The following CNTNAP2 variants were observed in gnomAD, a reference collection of about 807,000 sequenced individuals.
The protein encoded by CNTNAP2 is contactin-associated protein-like 2.
In CNTNAP2, 98 loss-of-function variants were observed where a neutral mutation model predicts 155.2. That is an observed-to-expected ratio of 0.63 (90% CI 0.54 to 0.75). The LOEUF (loss-of-function observed/expected upper bound fraction) is 0.75, where lower values mean the gene tolerates loss of function less well. Ranked by LOEUF, CNTNAP2 falls within the 30% of genes least tolerant of loss-of-function variation. The pLI, the probability that CNTNAP2 is intolerant of heterozygous loss-of-function variation, is 0.00. For synonymous variants in CNTNAP2, 651 were observed against 631.2 expected (o/e 1.03, Z -0.47); for missense variants, 1,727 against 1,688.1 (o/e 1.02, Z -0.40).
At chr7:147,874,564 G>T (rs1008475548) in intron 13 of CNTNAP2, among the ~76,000 whole-genome samples, 1 of 152,286 alleles carries the variant, frequency 6.6e-6, no homozygotes, top group Non-Finnish European at 1.5e-5. Context: ...CCCAGCCCAT[G>T]AAACCATTTT....
chr7:148,253,415 T>C (rs893359189), intron 20 of CNTNAP2, among the ~76,000 whole-genome samples: 4 of 152,258 alleles, frequency 2.6e-5, no homozygotes, highest in Admixed American at 2.0e-4. Context: ...GGTAACATTT[T>C]ACATTTAATT....
chr7:148,084,451 T>G (rs1035285166), intron 15 of CNTNAP2, among the ~76,000 whole-genome samples: 1 of 152,232 alleles, frequency 6.6e-6, no homozygotes, highest in Non-Finnish European at 1.5e-5. Flanking sequence ...ATTTTTCTCT[T>G]CTTTTATCTT....
intron 1 of CNTNAP2, among the ~76,000 whole-genome samples, chr7:146,646,016 G>A (rs543625015): frequency 1.7e-4 from 26 of 152,190 alleles, no homozygotes; most frequent in African/African-American, 3.9e-4. Context: ...TACAGGTGAC[G>A]AATTACTATG....
In CNTNAP2 at chr7:146,997,880, G is replaced by A. The variant is rs113550499; in HGVS notation, c.403-46027G>A. On this transcript the variant is annotated intron_variant, in intron 3 of 23. Transcript: ENST00000361727. ...TCTTATACTATTTTGTATACCTATG[G>A]CATTGGTTGTAATGTCTGCTTACTT... Among the ~76,000 whole-genome samples the A allele has an allele frequency of 7.2e-3, 1,094 of 151,984 alleles. 15 individuals carry two copies. The highest frequency in any genetic ancestry group is 0.025 in the African/African-American group (1,021 of 41,466).
At chr7:147,209,080 T>G (rs1803082197) in intron 8 of CNTNAP2, among the ~76,000 whole-genome samples, 1 of 152,054 alleles carries the variant, frequency 6.6e-6, no homozygotes, top group South Asian at 2.1e-4. Flanking sequence ...GGGTCCTTTA[T>G]GGTTCCCTAT....
At chr7:147,744,747 C>G (rs528836275) in intron 13 of CNTNAP2, among the ~76,000 whole-genome samples, 2 of 152,148 alleles carry the variant, frequency 1.3e-5, no homozygotes, top group African/African-American at 4.8e-5. Context: ...ATGGCCTTTC[C>G]TCTGTGCACA....
In CNTNAP2 at chr7:148,206,010, G is replaced by A. The variant is rs529045573; in HGVS notation, c.3011-11278G>A. Reference sequence around the variant, plus strand: ...TTCTACATGAAAAAAATATATATATGCATATAGGCATATACACACACATGT... The same window carrying A: ...TTCTACATGAAAAAAATATATATATACATATAGGCATATACACACACATGT... On this transcript the variant is annotated intron_variant, in intron 18 of 23. Transcript: ENST00000361727. Among the ~76,000 whole-genome samples, 4 of 151,548 alleles carry A rather than the reference G, an allele frequency of 2.6e-5. No individual in the cohort carries two copies. In the East Asian group the frequency reaches 7.7e-4, roughly 29 times the overall value.
At chr7:146,344,759 G>A (rs1198445158) in intron 1 of CNTNAP2, among the ~76,000 whole-genome samples, 2 of 152,208 alleles carry the variant, frequency 1.3e-5, no homozygotes, top group Non-Finnish European at 2.9e-5. Flanking sequence ...TTGCTGGCAT[G>A]AGCCACTGCT....
At chr7:148,251,393 C>T (rs1347152945) in intron 20 of CNTNAP2, among the ~76,000 whole-genome samples, 1 of 152,318 alleles carries the variant, frequency 6.6e-6, no homozygotes, top group East Asian at 1.9e-4. Flanking sequence ...ACACACTACC[C>T]TCCCTGCACA....
intron 1 of CNTNAP2, among the ~76,000 whole-genome samples, chr7:146,225,234 T>C (rs1799274825): frequency 6.6e-6 from 1 of 152,170 alleles, no homozygotes; most frequent in Admixed American, 6.5e-5. Flanking sequence ...GAGTAGTAGT[T>C]TTTGAAAGTG....
chr7:146,411,842 A>ATTTT (rs1168976551), intron 1 of CNTNAP2, among the ~76,000 whole-genome samples: 176 of 121,932 alleles, frequency 1.4e-3, no homozygotes, highest in African/African-American at 6.1e-3. Flanking sequence ...TTATTTATTT[A>ATTTT]TTTATTTTAT....
chr7:146,882,580 T>A (rs1177297039), intron 3 of CNTNAP2, among the ~76,000 whole-genome samples: 1 of 152,080 alleles, frequency 6.6e-6, no homozygotes, highest in African/African-American at 2.4e-5. Flanking sequence ...CTGCCATGAT[T>A]GTGAGTTTCC....
chr7:148,004,739 A>G (rs955930393), intron 15 of CNTNAP2, among the ~76,000 whole-genome samples: 7 of 152,322 alleles, frequency 4.6e-5, no homozygotes, highest in African/African-American at 1.7e-4. Context: ...GAAATGTTTT[A>G]TGTTCTAACC....
intron 1 of CNTNAP2, among the ~76,000 whole-genome samples, chr7:146,629,529 T>A (rs1418404176): frequency 6.6e-6 from 1 of 152,160 alleles, no homozygotes; most frequent in East Asian, 1.9e-4. Flanking sequence ...TATAAAATCT[T>A]CTAAATAACA....
chr7:147,434,261 G>T (rs1043093040), intron 10 of CNTNAP2, among the ~76,000 whole-genome samples: 2 of 152,094 alleles, frequency 1.3e-5, no homozygotes, highest in African/African-American at 2.4e-5. Flanking sequence ...TAATTATGTT[G>T]ATTTCTATTC....
rs79133600 is a variant in CNTNAP2, at chr7:146,250,264, A to T, written c.97+133291A>T. ...AAATATGTAGAGCATCTAATACTGC[A>T]TGTGAGGCTGAATTCTATGAAATTA... is the stretch of plus-strand genomic sequence containing the variant. On this transcript the variant is annotated intron_variant, in intron 1 of 23. Transcript: ENST00000361727. Among the ~76,000 whole-genome samples, 66 of 152,346 alleles carry T rather than the reference A, an allele frequency of 4.3e-4. No homozygotes were observed. The East Asian group carries it at 0.011, about 25-fold the overall frequency.
intron 20 of CNTNAP2, among the ~76,000 whole-genome samples, chr7:148,244,518 G>A (rs570717068): frequency 1.3e-5 from 2 of 150,276 alleles, no homozygotes; most frequent in Non-Finnish European, 3.0e-5. Flanking sequence ...GGATTTGTTA[G>A]GGTTTTTGAT....
At chr7:148,061,999 ATAGATAGAT>A (rs1259128919) in intron 15 of CNTNAP2, among the ~76,000 whole-genome samples, 1,754 of 124,172 alleles carry the variant, frequency 0.014, 100 homozygotes, top group African/African-American at 0.061. Context: ...AGATAGATAG[ATAGATAGAT>A]GATAGAGAGA....
At chr7:146,182,133 T>A (rs1182500859) in intron 1 of CNTNAP2, among the ~76,000 whole-genome samples, 1 of 152,086 alleles carries the variant, frequency 6.6e-6, no homozygotes, top group East Asian at 1.9e-4. Context: ...AAATTTTAAA[T>A]CTAAAATATT....
Sources: gnomAD v4.1 joint callset for allele counts (sites outside exome capture counted in the v4.1 genomes callset) on GRCh38, gnomAD v4.1.1 for gene constraint, MANE v1.5 for transcripts, NCBI Gene and HGNC (gene_info 2026-07-23, HGNC 2026-07-21) for gene names.